BIN1: variants seen among roughly 807,000 people sequenced by gnomAD.
BIN1 encodes the protein myc box-dependent-interacting protein 1.
A neutral mutation model predicts 82.0 loss-of-function variants in BIN1; 53 were observed. The ratio of observed to expected loss-of-function variants is 0.65; its 90% CI spans 0.52 to 0.81. BIN1 has a LOEUF of 0.81. Ranked by LOEUF, BIN1 falls within the 40% of genes least tolerant of loss-of-function variation. BIN1 has a pLI of 0.00. For missense variants in BIN1, 642 were observed against 784.4 expected, an observed-to-expected ratio of 0.82 and a Z score of 2.17; for synonymous variants, 302 against 328.0, an observed-to-expected ratio of 0.92 and a Z score of 0.86.
intron 14 of BIN1, 119 bp from the exon 15 acceptor site, chr2:127,052,481 G>C (rs2104881692): frequency 1.0e-6 from 1 of 966,148 alleles, no homozygotes; most frequent in East Asian, 2.6e-5. Context: ...GGTGGGGGCA[G>C]GGTGGGTACC....
rs1175966926 is a variant in BIN1, at chr2:127,070,133, G to T, written c.316-43C>A. 1.9e-6 allele frequency: 3 copies of T among 1,543,770 alleles called. No individual in the cohort carries two copies. In the South Asian group the frequency reaches 3.4e-5, roughly 17 times the overall value. ...ACGACAGTGCCACCAGGAGGGCTGG[G>T]CCACACCCGCCCCAGCGCTCACCTC... is the stretch of plus-strand genomic sequence containing the variant. On this transcript the variant is annotated intron_variant, in intron 4 of 18. Coordinates refer to ENST00000316724, the MANE Select transcript of BIN1 (RefSeq NM_139343.3).
chr2:127,106,457 G>C (rs1183127342), intron 1 of BIN1, among the ~76,000 whole-genome samples: 1 of 152,332 alleles, frequency 6.6e-6, no homozygotes, highest in East Asian at 1.9e-4. Flanking sequence ...CGCCGGCCCA[G>C]CCTAGGTTGC....
At chr2:127,070,670 G>A (rs751025886) in intron 3 of BIN1, 23 bp from the exon 4 acceptor site, 49 of 1,613,852 alleles carry the variant, frequency 3.0e-5, no homozygotes, top group South Asian at 7.7e-5. Flanking sequence ...AAGGAAGTAT[G>A]TGGGCCTCCC....
chr2:127,065,832 G>A (rs1685096422), intron 7 of BIN1, among the ~76,000 whole-genome samples: 2 of 152,204 alleles, frequency 1.3e-5, no homozygotes, highest in Non-Finnish European at 2.9e-5. Context: ...CAGGACCCGT[G>A]TCTTGTATTC....
intron 2 of BIN1, 122 bp downstream of exon 2, chr2:127,076,504 G>T: frequency 1.8e-6 from 2 of 1,135,632 alleles, no homozygotes; most frequent in Non-Finnish European, 2.7e-6. Context: ...ACATGATCTT[G>T]TCAGCCCACA....
At chr2:127,091,297 C>T (rs1205530316) in intron 1 of BIN1, among the ~76,000 whole-genome samples, 6 of 152,132 alleles carry the variant, frequency 3.9e-5, no homozygotes, top group African/African-American at 2.4e-5. Flanking sequence ...CCTTCCTCTA[C>T]CCAGTGCTGT....
intron 1 of BIN1, among the ~76,000 whole-genome samples, chr2:127,084,955 G>A (rs764263143): frequency 2.6e-5 from 4 of 152,192 alleles, no homozygotes; most frequent in Non-Finnish European, 4.4e-5. Flanking sequence ...CACGTACAGA[G>A]GCGTCTTCAG....
intron 2 of BIN1, among the ~76,000 whole-genome samples, chr2:127,072,793 G>A (rs1266718717): frequency 6.6e-6 from 1 of 152,152 alleles, no homozygotes; most frequent in African/African-American, 2.4e-5. Context: ...ATTCCATCAG[G>A]GGGTCGGATG....
intron 1 of BIN1, among the ~76,000 whole-genome samples, chr2:127,101,896 A>G (rs527327555): frequency 6.6e-6 from 1 of 152,258 alleles, no homozygotes; most frequent in Admixed American, 6.5e-5. Context: ...AGCTGTCTAT[A>G]GAGGCCTGTA....
chr2:127,093,221 C>T lies in BIN1; in HGVS notation c.84+13639G>A, dbSNP rs1446197455. 6.6e-6 allele frequency among the ~76,000 whole-genome samples: 1 copy of T among 152,206 alleles called. No individual in the cohort carries two copies. On this transcript the variant is annotated intron_variant, in intron 1 of 18. Coordinates refer to ENST00000316724, the MANE Select transcript of BIN1 (RefSeq NM_139343.3). The surrounding 1 kb of genome is among the most constrained non-coding windows in gnomAD (Gnocchi z 5.7). The stretch of plus-strand genomic sequence containing the variant: ...AGCACCCCAAAGTGTGGTGCTGTGG[C>T]TCACTGCAGACTCTGAACAAAGGGC...
chr2:127,068,808 C>T lies in BIN1; in HGVS notation c.519+116G>A. On this transcript the variant is annotated intron_variant, in intron 6 of 18. Coordinates refer to ENST00000316724, the MANE Select transcript of BIN1 (RefSeq NM_139343.3). This position sits in a 1 kb window ranked among gnomAD's most constrained non-coding sequence, Gnocchi z 4.9. The stretch of plus-strand genomic sequence containing the variant: ...CGGCCTGGGCCCTGTATCGTCCCCA[C>T]CCCCAGTTCAGCCACCTGGGGCCAG... 8.9e-6 allele frequency: 9 copies of T among 1,012,106 alleles called. No homozygotes were observed. Among genetic ancestry groups the T allele is most frequent in the Non-Finnish European group, 1.4e-5 (9 of 654,044 alleles). The allele number at this position is 1,012,106 out of a possible 1,614,324, so 62.7% of individuals were successfully genotyped here.
chr2:127,088,473 CA>C (rs1678473121), intron 1 of BIN1, among the ~76,000 whole-genome samples: 1 of 152,148 alleles, frequency 6.6e-6, no homozygotes. Context: ...CGGTGGCTCA[CA>C]CCTGTAATCC....
chr2:127,079,742 A>G (rs1296186323), intron 1 of BIN1, among the ~76,000 whole-genome samples: 1 of 152,242 alleles, frequency 6.6e-6, no homozygotes, highest in Non-Finnish European at 1.5e-5. Context: ...ACACCCACAC[A>G]GGGCTAAGCA....
chr2:127,079,464 G>A (rs1687026009), intron 1 of BIN1, among the ~76,000 whole-genome samples: 3 of 152,318 alleles, frequency 2.0e-5, no homozygotes, highest in Admixed American at 1.3e-4. Context: ...CCCTCACACC[G>A]GGTCCAGGCT....
At chr2:127,050,569 G>C (rs1465120115) in intron 17 of BIN1, 47 bp from the exon 18 acceptor site, 1 of 1,600,752 alleles carries the variant, frequency 6.2e-7, no homozygotes, top group Non-Finnish European at 8.6e-7. Context: ...CCCACCTCCA[G>C]CCCTGCACAG....
At chr2:127,106,766 G>A (rs1000396920) in intron 1 of BIN1, 94 bp downstream of exon 1, 10 of 1,453,594 alleles carry the variant, frequency 6.9e-6, no homozygotes, top group Middle Eastern at 2.2e-4. Flanking sequence ...TCCTGGCGAA[G>A]GACCAGGCCC....
At chr2:127,050,606 C>T in intron 17 of BIN1, 84 bp from the exon 18 acceptor site, 2 of 1,492,908 alleles carry the variant, frequency 1.3e-6, no homozygotes, top group Non-Finnish European at 1.9e-6. Context: ...GTGGGAGGTG[C>T]AGGTGGCAGT....
intron 1 of BIN1, among the ~76,000 whole-genome samples, chr2:127,096,038 C>A (rs575231039): frequency 1.3e-5 from 2 of 152,322 alleles, no homozygotes; most frequent in African/African-American, 4.8e-5. Context: ...TCTTCCGCTA[C>A]ATAGCAGGTT....
rs1358606447 is a variant in BIN1, at chr2:127,052,297, A to G, written c.1329T>C (p.Ala443=). The G allele has an allele frequency of 1.9e-6, 3 of 1,586,630 alleles. No individual in the cohort carries two copies. The highest frequency in any genetic ancestry group is 2.3e-5 in the East Asian group (1 of 43,636). ...GEPSAAEGTF[A]VSWPSQTAEP... ...CGGCCGTCTGGCTGGGCCAGGACAC[A>G]GCAAAGGTGCCCTCGGCAGCGCTGG... The change falls in exon 15 of 19, where the codon GCT becomes GCC. Residue 443 remains alanine, a synonymous_variant. Coordinates refer to ENST00000316724, the MANE Select transcript of BIN1 (RefSeq NM_139343.3).
Sources: allele counts gnomAD v4.1 joint callset (sites outside exome capture counted in the v4.1 genomes callset), GRCh38; gene constraint gnomAD v4.1.1; non-coding constraint Gnocchi (gnomAD v3.1); transcripts MANE v1.5; gene names NCBI Gene and HGNC (gene_info 2026-07-23, HGNC 2026-07-21).